The following PLOD1 variants were observed in gnomAD, a reference collection of about 807,000 sequenced individuals.
PLOD1 encodes procollagen-lysine,2-oxoglutarate 5-dioxygenase 1.
In PLOD1, 70 loss-of-function variants were observed where a neutral mutation model predicts 94.7. The ratio of observed to expected loss-of-function variants is 0.74; its 90% CI spans 0.61 to 0.90. PLOD1 has a LOEUF of 0.90. PLOD1 is among the 40% of genes least tolerant of loss of function. The probability of loss-of-function intolerance (pLI) is 0.00; values close to 1 mark genes in which losing one functional copy is unlikely to be tolerated. For missense variants in PLOD1, 905 were observed against 972.7 expected, an observed-to-expected ratio of 0.93 and a Z score of 0.93; for synonymous variants, 417 against 400.2, an observed-to-expected ratio of 1.04 and a Z score of -0.50.
intron 1 of PLOD1, among the ~76,000 whole-genome samples, chr1:11,945,898 G>A (rs1024886266): frequency 6.6e-6 from 1 of 151,878 alleles, no homozygotes. Flanking sequence ...TAGTAGAGAC[G>A]GGGTTTCACC....
chr1:11,948,501 G>A (rs1322669509), intron 2 of PLOD1, among the ~76,000 whole-genome samples: 1 of 152,172 alleles, frequency 6.6e-6, no homozygotes, highest in Non-Finnish European at 1.5e-5. Context: ...TTGGGAGTCT[G>A]ATGATCCACT....
At chr1:11,967,595 G>GTATATA (rs1476328657) in intron 16 of PLOD1, among the ~76,000 whole-genome samples, 2 of 50,634 alleles carry the variant, frequency 3.9e-5, no homozygotes, top group South Asian at 1.0e-3. Flanking sequence ...GTGTGTGTGT[G>GTATATA]TGTATATATA....
intron 1 of PLOD1, among the ~76,000 whole-genome samples, chr1:11,947,054 C>T (rs988400091): frequency 2.6e-5 from 4 of 151,800 alleles, no homozygotes; most frequent in East Asian, 1.9e-4. Context: ...GGATCATTTG[C>T]GGTCAGGAGT....
chr1:11,962,274 C>CTTTTTTTTT (rs780613164), intron 10 of PLOD1, among the ~76,000 whole-genome samples: 1 of 99,078 alleles, frequency 1.0e-5, no homozygotes, highest in Non-Finnish European at 1.9e-5. Context: ...TTTTTGTTTT[C>CTTTTTTTTT]TTTTTTTTTT....
chr1:11,964,327 T>TGGGCCCGGGGGGGGGGGGGGGGGGG, intron 12 of PLOD1, 27 bp downstream of exon 12: 2 of 546,364 alleles, frequency 3.7e-6, no homozygotes, highest in Non-Finnish European at 3.2e-6. Flanking sequence ...TGGGGGTGGG[T>TGGGCCCGGGGGGGGGGGGGGGGGGG]GGGGGACACC....
chr1:11,944,579 G>C (rs760704322), intron 1 of PLOD1: 1 of 1,360,266 alleles, frequency 7.4e-7, no homozygotes, highest in Non-Finnish European at 9.8e-7. Context: ...CACCTGGGGA[G>C]AGACTTCACC....
At chr1:11,955,141 C>T (rs1003259622) in intron 6 of PLOD1, among the ~76,000 whole-genome samples, 1 of 152,218 alleles carries the variant, frequency 6.6e-6, no homozygotes, top group Non-Finnish European at 1.5e-5. Flanking sequence ...ACAGCAGGTG[C>T]TGGACCCCCT....
At chr1:11,967,324 C>G (rs1202772454) in intron 16 of PLOD1, among the ~76,000 whole-genome samples, 1 of 151,978 alleles carries the variant, frequency 6.6e-6, no homozygotes, top group Non-Finnish European at 1.5e-5. Flanking sequence ...TTGCCTTGAC[C>G]GTAAGCTACT....
Position 11,934,737 on chromosome 1 carries a change from G to A in PLOD1, c.-43G>A. On this transcript the variant is annotated 5_prime_UTR_variant, in exon 1 of 19. Coordinates refer to ENST00000196061, the MANE Select transcript of PLOD1 (RefSeq NM_000302.4). ...GCCCCGTCGCGAAGTTTCCAGCCCT[G>A]CGAGCGCCGCCGGGTCGGCCGATCG... is the stretch of plus-strand genomic sequence containing the variant. The A allele has an allele frequency of 6.6e-7, 1 of 1,518,282 alleles. No homozygotes were observed. Among genetic ancestry groups the A allele is most frequent in the Non-Finnish European group, 8.8e-7 (1 of 1,140,006 alleles). 94.1% of individuals were successfully genotyped at this position (1,518,282 alleles called of 1,614,324 possible).
intron 5 of PLOD1, among the ~76,000 whole-genome samples, chr1:11,954,126 A>G (rs1645721456): frequency 6.7e-6 from 1 of 149,990 alleles, no homozygotes; most frequent in African/African-American, 2.4e-5. Context: ...TCAGCCTCCC[A>G]AAGTGCTGGA....
rs780253192 is a variant in PLOD1, at chr1:11,949,813, C to T, written c.209C>T (p.Thr70Met). Residue 70 changes from threonine to methionine, a missense_variant, in exon 3 of 19, where the codon ACG (threonine) becomes ATG (methionine). Transcript: ENST00000196061. ...GAGGACTGGAATGTGGAGAAGGGGA[C>T]GTCGGCAGGTGGAGGGCAGAAGGTC... Reference protein sequence around the residue: ...LGEDWNVEKGTSAGGGQKVRL... With the variant: ...LGEDWNVEKGMSAGGGQKVRL... 8.1e-6 allele frequency: 13 copies of T among 1,613,740 alleles called. No homozygotes were observed. The highest frequency in any genetic ancestry group is 1.3e-5 in the African/African-American group (1 of 74,880).
intron 1 of PLOD1, among the ~76,000 whole-genome samples, chr1:11,945,837 T>C (rs1415939268): frequency 1.3e-5 from 2 of 152,142 alleles, no homozygotes; most frequent in Non-Finnish European, 2.9e-5. Context: ...GCCTCCCAAG[T>C]AGCTAGGACT....
Position 11,964,722 on chromosome 1 carries a change from A to G in PLOD1, c.1407A>G (p.Ser469=), listed in dbSNP as rs908720435. Reference sequence around the variant, plus strand: ...CCCTGCGGGGTGAGCTGCAGTCCTCAGATCTCTTCCACCACAGCAAGCTGG... The same window carrying G: ...CCCTGCGGGGTGAGCTGCAGTCCTCGGATCTCTTCCACCACAGCAAGCTGG... ...GSALRGELQS[S]DLFHHSKLDP... The change falls in exon 13 of 19, where the codon TCA becomes TCG. Residue 469 remains serine, a synonymous_variant. Coordinates refer to ENST00000196061, the MANE Select transcript of PLOD1 (RefSeq NM_000302.4). 3 of 1,613,538 alleles carry G rather than the reference A, an allele frequency of 1.9e-6. No homozygotes were observed. The highest frequency in any genetic ancestry group is 2.7e-5 in the African/African-American group (2 of 74,944).
rs556284027 is a variant in PLOD1, at chr1:11,945,790, C to T, written c.77-2186C>T. Among the ~76,000 whole-genome samples, 16 of 152,244 alleles carry T rather than the reference C, an allele frequency of 1.1e-4. No individual in the cohort carries two copies. The South Asian group carries it at 3.3e-3, about 32-fold the overall frequency. On this transcript the variant is annotated intron_variant, in intron 1 of 18. Coordinates refer to ENST00000196061, the MANE Select transcript of PLOD1 (RefSeq NM_000302.4). ...GTGGTGCGATCTTGGCTCACTGCAA[C>T]CTCTACCTTCTGGGTTCAAGCAATT...
Position 11,958,539 on chromosome 1 carries a change from G to T in PLOD1, c.867G>T (p.Leu289=). 6.2e-7 allele frequency: 1 copy of T among 1,613,878 alleles called. No homozygotes were observed. Among genetic ancestry groups the T allele is most frequent in the Non-Finnish European group, 8.5e-7 (1 of 1,179,946 alleles). Residue 289 remains leucine (L), a synonymous_variant, in exon 9 of 19, where the codon CTG becomes CTT. Transcript: ENST00000196061. This position sits in a 1 kb window ranked among gnomAD's most constrained non-coding sequence, Gnocchi z 4.3. ...GIGDEALPTV[L]VGVFIEQPTP... ...AGGATGAAGCTCTGCCCACGGTCCT[G>T]GTCGGCGTGTTCATCGAACAGCCCA...
rs188828510 is a variant in PLOD1, at chr1:11,944,102, C to T, written c.77-3874C>T. On this transcript the variant is annotated intron_variant, in intron 1 of 18. Coordinates refer to ENST00000196061, the MANE Select transcript of PLOD1 (RefSeq NM_000302.4). Reference sequence around the variant, plus strand: ...CAAAAAATTAGCTGGGCGTGGTGGCCGGCACCTGTAATCCCAACTATTTAG... The same window carrying T: ...CAAAAAATTAGCTGGGCGTGGTGGCTGGCACCTGTAATCCCAACTATTTAG... Among the ~76,000 whole-genome samples, 366 of 151,764 alleles carry T rather than the reference C, an allele frequency of 2.4e-3. 1 individual carries two copies. The highest frequency in any genetic ancestry group is 6.8e-3 in the African/African-American group (283 of 41,376).
In PLOD1 at chr1:11,957,224, C is replaced by T; in HGVS notation, c.741+210C>T. The T allele has an allele frequency of 2.7e-6, 2 of 745,742 alleles. No homozygotes were observed. The highest frequency in any genetic ancestry group is 5.0e-6 in the Non-Finnish European group (2 of 397,250). 46.2% of individuals were successfully genotyped at this position (745,742 alleles called of 1,614,324 possible). A position where few individuals can be genotyped will look rare whatever the true frequency, so the allele number is the denominator to read the frequency against. On this transcript the variant is annotated intron_variant, in intron 7 of 18. Coordinates refer to ENST00000196061, the MANE Select transcript of PLOD1 (RefSeq NM_000302.4). The surrounding 1 kb of genome is among the most constrained non-coding windows in gnomAD (Gnocchi z 4.1). ...TGGTACTCTGTCTGTTCTTGCTGGT[C>T]ACAGGACACGTAGGAGGCTGCCATC... is the stretch of plus-strand genomic sequence containing the variant.
chr1:11,958,323 C>G lies in PLOD1; in HGVS notation c.844-193C>G, dbSNP rs1233851075. 6.6e-6 allele frequency among the ~76,000 whole-genome samples: 1 copy of G among 152,108 alleles called. No individual in the cohort carries two copies. The stretch of plus-strand genomic sequence containing the variant: ...TCCAGGCCTGGGCTCCTGCTGCTCT[C>G]TCCCCGGGGCACCCTCCTGCTGCTT... On this transcript the variant is annotated intron_variant, in intron 8 of 18. Transcript: ENST00000196061. This position sits in a 1 kb window ranked among gnomAD's most constrained non-coding sequence, Gnocchi z 4.3.
chr1:11,957,265 G>A lies in PLOD1; in HGVS notation c.741+251G>A, dbSNP rs1645745728. 2 of 703,746 alleles carry A rather than the reference G, an allele frequency of 2.8e-6. No homozygotes were observed. Among genetic ancestry groups the A allele is most frequent in the South Asian group, 2.7e-5 (2 of 73,072 alleles). 43.6% of individuals were successfully genotyped at this position (703,746 alleles called of 1,614,324 possible). On this transcript the variant is annotated intron_variant, in intron 7 of 18. Transcript: ENST00000196061. The surrounding 1 kb of genome is among the most constrained non-coding windows in gnomAD (Gnocchi z 4.1). ...GGCTGCCATCCCCTTCCAGGCCTAG[G>A]CTGGGCTACCAGAGCCATCTGCACT...
Sources: allele counts gnomAD v4.1 joint callset (sites outside exome capture counted in the v4.1 genomes callset), GRCh38; gene constraint gnomAD v4.1.1; non-coding constraint Gnocchi (gnomAD v3.1); transcripts MANE v1.5; gene names NCBI Gene and HGNC (gene_info 2026-07-23, HGNC 2026-07-21).